PAPPA: variants seen among roughly 807,000 people sequenced by gnomAD.
PAPPA encodes pappalysin-1.
Under a neutral mutation model 164.0 loss-of-function variants are expected in PAPPA, and 60 were observed. The observed-to-expected ratio is 0.37, with a 90% CI of 0.30 to 0.45. The LOEUF is 0.45. PAPPA is among the 20% of genes least tolerant of loss of function. The pLI is 1.00. For missense variants in PAPPA, 1,782 were observed against 2,087.3 expected (o/e 0.85, Z 2.85); for synonymous variants, 875 against 814.1 (o/e 1.07, Z -1.27).
intron 21 of PAPPA, among the ~76,000 whole-genome samples, chr9:116,391,987 C>A (rs1846898939): frequency 6.6e-6 from 1 of 152,204 alleles, no homozygotes. Context: ...AGGACCCTGA[C>A]TCCTGCTCTG....
chr9:116,240,559 GA>G (rs779439489), intron 7 of PAPPA, among the ~76,000 whole-genome samples: 23 of 152,190 alleles, frequency 1.5e-4, no homozygotes, highest in Non-Finnish European at 2.9e-4. Flanking sequence ...AGCATTTGAA[GA>G]GAAATGGAGA....
At position 116,193,855 on chromosome 9, in the gene PAPPA, C is replaced by T. The variant is rs973950030; in HGVS notation, c.1478+5639C>T. ...CTAATTTCCCTGTAAACCACATAGC[C>T]TATAAGGCTTCCATGAGCTCTGAGA... is the stretch of plus-strand genomic sequence containing the variant. On this transcript the variant is annotated intron_variant, in intron 2 of 21. Coordinates refer to ENST00000328252, the MANE Select transcript of PAPPA (RefSeq NM_002581.5). 7.2e-5 allele frequency among the ~76,000 whole-genome samples: 11 copies of T among 152,268 alleles called. No individual in the cohort carries two copies. The Middle Eastern group carries it at 0.01, about 141-fold the overall frequency.
chr9:116,216,614 C>G (rs1844375412), intron 4 of PAPPA, among the ~76,000 whole-genome samples: 1 of 152,172 alleles, frequency 6.6e-6, no homozygotes, highest in Non-Finnish European at 1.5e-5. Flanking sequence ...GGGACTGACT[C>G]TAGACATTAG....
At chr9:116,331,803 T>C (rs1845994646) in intron 11 of PAPPA, among the ~76,000 whole-genome samples, 1 of 152,198 alleles carries the variant, frequency 6.6e-6, no homozygotes, top group Non-Finnish European at 1.5e-5. Flanking sequence ...TTTTGGCTTG[T>C]GTGTCACTGA....
chr9:116,250,167 A>G (rs988706856), intron 7 of PAPPA, among the ~76,000 whole-genome samples: 3 of 152,138 alleles, frequency 2.0e-5, no homozygotes, highest in Admixed American at 6.5e-5. Flanking sequence ...TTAATCTTCC[A>G]TAGAACTAAT....
At chr9:116,185,065 G>A (rs1467510408) in intron 1 of PAPPA, among the ~76,000 whole-genome samples, 1 of 152,168 alleles carries the variant, frequency 6.6e-6, no homozygotes, top group Non-Finnish European at 1.5e-5. Context: ...GGGAAGTCAG[G>A]ATGAACTTCT....
At chr9:116,202,531 C>T (rs760245504) in intron 2 of PAPPA, among the ~76,000 whole-genome samples, 13 of 152,056 alleles carry the variant, frequency 8.5e-5, no homozygotes, top group Non-Finnish European at 1.3e-4. Context: ...CCAGGGGACC[C>T]GCAATCTCAA....
chr9:116,267,961 T>C (rs1224791060), intron 8 of PAPPA, among the ~76,000 whole-genome samples: 2 of 148,710 alleles, frequency 1.3e-5, no homozygotes, highest in Non-Finnish European at 3.0e-5. Flanking sequence ...ATTATTTGCA[T>C]AATCTCAAGT....
chr9:116,234,542 G>C (rs946933013), intron 6 of PAPPA, among the ~76,000 whole-genome samples: 26 of 152,082 alleles, frequency 1.7e-4, no homozygotes, highest in Admixed American at 5.9e-4. Flanking sequence ...GGTGGGGTTA[G>C]GATTTCTGTC....
chr9:116,353,644 A>G lies in PAPPA; in HGVS notation c.4198A>G (p.Thr1400Ala). Residue 1400 changes from threonine (T) to alanine (A), a missense_variant, in exon 17 of 22, where the codon ACC (threonine) becomes GCC (alanine). Physicochemically the swap from Thr to Ala is moderately conservative, Grantham distance 58. Coordinates refer to ENST00000328252, the MANE Select transcript of PAPPA (RefSeq NM_002581.5). ...AAGACGGGCCTTCAAGACTCAGTGT[A>G]CCCAGGATGGCAGCTGGCAGGAGGG... ...SKKRAFKTQCTQDGSWQEGAC... is the reference protein window; with the variant it reads ...SKKRAFKTQCAQDGSWQEGAC... 1 of 1,614,006 alleles carries G rather than the reference A, an allele frequency of 6.2e-7. No homozygotes were observed. The highest frequency in any genetic ancestry group is 1.1e-5 in the South Asian group (1 of 91,056).
At chr9:116,368,398 G>A (rs58298583) in intron 19 of PAPPA, among the ~76,000 whole-genome samples, 3 of 152,132 alleles carry the variant, frequency 2.0e-5, no homozygotes, top group East Asian at 1.9e-4. Context: ...CTGAAATCTC[G>A]GAAGTGAGGT....
At chr9:116,273,999 G>T (rs1203205076) in intron 9 of PAPPA, among the ~76,000 whole-genome samples, 2 of 151,978 alleles carry the variant, frequency 1.3e-5, no homozygotes, top group African/African-American at 4.8e-5. Flanking sequence ...ATGGGGTGAT[G>T]ATCTAAGGAT....
At chr9:116,305,934 G>C (rs1845639979) in intron 10 of PAPPA, among the ~76,000 whole-genome samples, 1 of 152,120 alleles carries the variant, frequency 6.6e-6, no homozygotes, top group Non-Finnish European at 1.5e-5. Flanking sequence ...CAAACTTATA[G>C]TCACTGCCCA....
At chr9:116,297,835 C>G (rs1048611053) in intron 9 of PAPPA, among the ~76,000 whole-genome samples, 2 of 152,192 alleles carry the variant, frequency 1.3e-5, no homozygotes, top group Non-Finnish European at 2.9e-5. Flanking sequence ...GACCCTGTGT[C>G]TTTAAGACCA....
chr9:116,303,591 C>T (rs1007422491), intron 10 of PAPPA, among the ~76,000 whole-genome samples: 2 of 152,142 alleles, frequency 1.3e-5, no homozygotes, highest in African/African-American at 4.8e-5. Context: ...TCCCGAGAGC[C>T]CCCTTTCCAA....
intron 1 of PAPPA, among the ~76,000 whole-genome samples, chr9:116,156,936 C>A (rs1843611230): frequency 6.6e-6 from 1 of 152,234 alleles, no homozygotes. Context: ...CTCGCGGCGA[C>A]CTCAGGTGCC....
intron 10 of PAPPA, among the ~76,000 whole-genome samples, chr9:116,306,912 G>T (rs1395845043): frequency 6.6e-6 from 1 of 152,208 alleles, no homozygotes; most frequent in Non-Finnish European, 1.5e-5. Flanking sequence ...AATTTACAGT[G>T]CTCTCCTAAG....
rs1588027907 is a variant in PAPPA at position 116,379,059 on chromosome 9, G to A, written c.4677+1412G>A. Among the ~76,000 whole-genome samples, 4 of 152,286 alleles carry A rather than the reference G, an allele frequency of 2.6e-5. 1 individual carries two copies. The highest frequency in any genetic ancestry group is 9.6e-5 in the African/African-American group (4 of 41,560). ...TGGGAAAAGAAAGCTTGAGTTACCTGGGCACTCATTCTGCTGAGTTGGCGG... is the reference window on the plus strand; with the variant it reads ...TGGGAAAAGAAAGCTTGAGTTACCTAGGCACTCATTCTGCTGAGTTGGCGG... On this transcript the variant is annotated intron_variant, in intron 20 of 21. Transcript: ENST00000328252.
intron 7 of PAPPA, among the ~76,000 whole-genome samples, chr9:116,248,381 A>C (rs1844821642): frequency 6.6e-6 from 1 of 152,196 alleles, no homozygotes; most frequent in Non-Finnish European, 1.5e-5. Flanking sequence ...TATAAAATAA[A>C]GGGGTAGGTC....
Sources: allele counts gnomAD v4.1 joint callset (sites outside exome capture counted in the v4.1 genomes callset), GRCh38; gene constraint gnomAD v4.1.1; transcripts MANE v1.5; gene names NCBI Gene and HGNC (gene_info 2026-07-23, HGNC 2026-07-21).